AHCYL1: variants seen among roughly 807,000 people sequenced by gnomAD.
AHCYL1 encodes the protein S-adenosylhomocysteine hydrolase-like protein 1.
In AHCYL1, 20 loss-of-function variants were observed where a neutral mutation model predicts 79.3. The observed-to-expected ratio is 0.25, with a 90% CI of 0.18 to 0.37. AHCYL1 has a LOEUF of 0.37. Ranked by LOEUF, AHCYL1 falls within the 10% of genes least tolerant of loss-of-function variation. The pLI is 1.00. For synonymous variants in AHCYL1, 223 were observed against 242.2 expected (o/e 0.92, Z 0.74); for missense variants, 330 against 673.6 (o/e 0.49, Z 5.65).
chr1:110,004,114 A>G (rs1000551710), intron 1 of AHCYL1: 1 of 985,276 alleles, frequency 1.0e-6, no homozygotes, highest in Non-Finnish European at 1.2e-6. Context: ...GTTGAGTCCT[A>G]CTTTGAAAGG....
intron 8 of AHCYL1, 52 bp from the exon 9 acceptor site, chr1:110,016,615 G>T (rs1651437135): frequency 6.2e-7 from 1 of 1,610,390 alleles, no homozygotes; most frequent in Non-Finnish European, 8.5e-7. Context: ...TGTGAAGAGG[G>T]ACTGAGTTTG....
At chr1:110,004,256 C>A (rs1359440301) in intron 1 of AHCYL1, 1 of 985,340 alleles carries the variant, frequency 1.0e-6, no homozygotes, top group Non-Finnish European at 1.2e-6. Flanking sequence ...TCCCTCTCCC[C>A]CAAGAAACTC....
At chr1:109,991,181 A>G (rs969823352) in intron 1 of AHCYL1, among the ~76,000 whole-genome samples, 6 of 152,236 alleles carry the variant, frequency 3.9e-5, no homozygotes, top group African/African-American at 1.2e-4. Flanking sequence ...GATACTGCTT[A>G]TCAGTATACA....
In AHCYL1 at chr1:110,008,425, C is replaced by T. The variant is rs184284553; in HGVS notation, c.121-609C>T. On this transcript the variant is annotated intron_variant, in intron 1 of 16. Coordinates refer to ENST00000369799, the MANE Select transcript of AHCYL1 (RefSeq NM_006621.7). The stretch of plus-strand genomic sequence containing the variant: ...TGTGGGTTTTTAATTTTCTTTTTAT[C>T]ATTATATTCTGGTATTTTAAATTTT... Among the ~76,000 whole-genome samples, 11 of 152,090 alleles carry T rather than the reference C, an allele frequency of 7.2e-5. No homozygotes were observed. The East Asian group carries it at 1.9e-3, about 27-fold the overall frequency.
At chr1:110,003,417 A>G (rs1228350379) in intron 1 of AHCYL1, among the ~76,000 whole-genome samples, 1 of 152,160 alleles carries the variant, frequency 6.6e-6, no homozygotes. Context: ...GGTGTTTATT[A>G]TACTATGCTT....
chr1:110,010,870 C>CTT (rs1557770270), intron 2 of AHCYL1, among the ~76,000 whole-genome samples: 1 of 152,192 alleles, frequency 6.6e-6, no homozygotes, highest in East Asian at 1.9e-4. Flanking sequence ...CTAAATTATT[C>CTT]TTCTGTTTTT....
At chr1:110,000,601 T>C (rs17668350) in intron 1 of AHCYL1, among the ~76,000 whole-genome samples, 7,913 of 152,304 alleles carry the variant, frequency 0.052, 273 homozygotes, top group Middle Eastern at 0.082. Flanking sequence ...TCTGGTGTTA[T>C]AAGCTCAGAA....
At chr1:110,013,475 C>T (rs768245837) in intron 5 of AHCYL1, among the ~76,000 whole-genome samples, 7 of 152,104 alleles carry the variant, frequency 4.6e-5, no homozygotes, top group Non-Finnish European at 1.0e-4. Context: ...TTTGGGAGGC[C>T]GAGGCGGGCA....
intron 15 of AHCYL1, 126 bp downstream of exon 15, chr1:110,019,752 C>T (rs1570895263): frequency 2.3e-6 from 2 of 866,818 alleles, no homozygotes; most frequent in Non-Finnish European, 3.6e-6. Flanking sequence ...GTTGTTTGAC[C>T]TCAGGACAAG....
intron 1 of AHCYL1, among the ~76,000 whole-genome samples, chr1:110,005,342 AC>A (rs1650578955): frequency 6.6e-6 from 1 of 151,988 alleles, no homozygotes; most frequent in African/African-American, 2.4e-5. Context: ...TCTAAGTTAA[AC>A]CTAAGTTAAA....
At chr1:110,016,504 C>A in intron 8 of AHCYL1, 44 bp downstream of exon 8, 1 of 1,574,064 alleles carries the variant, frequency 6.4e-7, no homozygotes, top group Non-Finnish European at 8.7e-7. Flanking sequence ...GGGCTCTGGT[C>A]TTCCTTTGGC....
chr1:110,017,345 G>A, intron 9 of AHCYL1, 150 bp from the exon 10 acceptor site: 1 of 642,284 alleles, frequency 1.6e-6, no homozygotes, highest in Non-Finnish European at 2.7e-6. Flanking sequence ...GTCTGTTTCT[G>A]TTCTGCTTGG....
intron 1 of AHCYL1, among the ~76,000 whole-genome samples, chr1:109,999,580 T>C (rs1227080819): frequency 2.0e-5 from 3 of 152,314 alleles, no homozygotes; most frequent in Non-Finnish European, 4.4e-5. Flanking sequence ...CAAGATTCAG[T>C]AATCAGATAT....
At chr1:110,004,983 T>C (rs1334027685) in intron 1 of AHCYL1, among the ~76,000 whole-genome samples, 2 of 152,234 alleles carry the variant, frequency 1.3e-5, no homozygotes, top group Non-Finnish European at 2.9e-5. Context: ...TAGTTTTTTA[T>C]TGTTACTTTT....
At chr1:110,016,534 G>T (rs1651431009) in intron 8 of AHCYL1, 74 bp downstream of exon 8, 2 of 1,555,152 alleles carry the variant, frequency 1.3e-6, no homozygotes, top group African/African-American at 2.7e-5. Flanking sequence ...TTATTAGAGG[G>T]ACCATTTCAT....
intron 1 of AHCYL1, among the ~76,000 whole-genome samples, chr1:109,988,563 C>T (rs1246715043): frequency 6.6e-6 from 1 of 152,078 alleles, no homozygotes; most frequent in African/African-American, 2.4e-5. Context: ...ATTCTTTTTT[C>T]ATAGTGTAAA....
At chr1:110,003,951 C>T in intron 1 of AHCYL1, 1 of 985,382 alleles carries the variant, frequency 1.0e-6, no homozygotes, top group East Asian at 1.1e-4. Flanking sequence ...AGTGTTTAGT[C>T]TTACAGGAAG....
In AHCYL1 at chr1:110,016,499, C is replaced by G; in HGVS notation, c.899+39C>G. On this transcript the variant is annotated intron_variant, in intron 8 of 16. Transcript: ENST00000369799. ...ATATATATTCAAACTTCTAGGGGCT[C>G]TGGTCTTCCTTTGGCTTTAAAAGTT... 1.9e-6 allele frequency: 3 copies of G among 1,583,166 alleles called. No individual in the cohort carries two copies. In the African/African-American group the frequency reaches 4.1e-5, roughly 21 times the overall value.
In AHCYL1 at chr1:109,997,231, A is replaced by G. The variant is rs192243118; in HGVS notation, c.121-11803A>G. 7.2e-5 allele frequency among the ~76,000 whole-genome samples: 11 copies of G among 152,372 alleles called. No individual in the cohort carries two copies. In the East Asian group the frequency reaches 2.1e-3, roughly 29 times the overall value. ...TTTCCCTAATGTGCTAATTTATGTT[A>G]TGAATTCCTAGACTGAGAGTGATAG... On this transcript the variant is annotated intron_variant, in intron 1 of 16. Coordinates refer to ENST00000369799, the MANE Select transcript of AHCYL1 (RefSeq NM_006621.7).
Sources: allele counts gnomAD v4.1 joint callset (sites outside exome capture counted in the v4.1 genomes callset), GRCh38; gene constraint gnomAD v4.1.1; transcripts MANE v1.5; gene names NCBI Gene and HGNC (gene_info 2026-07-23, HGNC 2026-07-21).